The following MFHAS1 variants were observed in gnomAD, a reference collection of about 807,000 sequenced individuals.
MFHAS1 encodes malignant fibrous histiocytoma-amplified sequence 1.
MFHAS1 carries 50 observed loss-of-function variants against 70.4 expected under a neutral mutation model. The ratio of observed to expected loss-of-function variants is 0.71; its 90% confidence interval spans 0.57 to 0.90. MFHAS1 has a LOEUF of 0.90. MFHAS1 is among the 40% of genes least tolerant of loss of function. The pLI is 0.00. For missense variants in MFHAS1, 1,795 were observed against 1,347.6 expected, an observed-to-expected ratio of 1.33 and a Z score of -5.20; for synonymous variants, 952 against 620.0, an observed-to-expected ratio of 1.54 and a Z score of -7.96.
intron 2 of MFHAS1, among the ~76,000 whole-genome samples, chr8:8,796,961 A>G (rs1274748920): frequency 2.6e-5 from 4 of 151,902 alleles, no homozygotes; most frequent in Non-Finnish European, 5.9e-5. Flanking sequence ...GCACCACTGC[A>G]CTCCAGCCTG....
chr8:8,884,656 A>C (rs187407747), intron 1 of MFHAS1, among the ~76,000 whole-genome samples: 58 of 152,290 alleles, frequency 3.8e-4, no homozygotes, highest in Non-Finnish European at 7.4e-4. Context: ...GAGTGTGTGA[A>C]TAACAAAGAA....
chr8:8,878,950 G>A (rs1004138297), intron 1 of MFHAS1, among the ~76,000 whole-genome samples: 3 of 152,198 alleles, frequency 2.0e-5, no homozygotes, highest in Non-Finnish European at 4.4e-5. Flanking sequence ...GCACTTTAAT[G>A]GATGCTGTCT....
intron 1 of MFHAS1, among the ~76,000 whole-genome samples, chr8:8,818,396 C>A (rs1272124046): frequency 6.6e-6 from 1 of 152,198 alleles, no homozygotes; most frequent in Non-Finnish European, 1.5e-5. Flanking sequence ...AGATCCTTCA[C>A]AAAGCAAGAG....
intron 1 of MFHAS1, among the ~76,000 whole-genome samples, chr8:8,879,849 T>C (rs1809444249): frequency 1.3e-5 from 2 of 152,308 alleles, no homozygotes; most frequent in South Asian, 2.1e-4. Flanking sequence ...ACGACACTTA[T>C]CTAATCTGGT....
intron 1 of MFHAS1, among the ~76,000 whole-genome samples, chr8:8,878,952 A>G (rs1274763230): frequency 1.3e-5 from 2 of 152,226 alleles, no homozygotes; most frequent in African/African-American, 2.4e-5. Flanking sequence ...ACTTTAATGG[A>G]TGCTGTCTTT....
intron 1 of MFHAS1, among the ~76,000 whole-genome samples, chr8:8,840,681 TTAGGAACAAGTCCATTAG>T (rs972413648): frequency 2.0e-5 from 3 of 152,122 alleles, no homozygotes; most frequent in African/African-American, 7.2e-5. Context: ...CAACATTCCT[TTAGGAACAAGTCCATTAG>T]TTAGATGCCG....
In MFHAS1 at chr8:8,893,594, C is replaced by T. The variant is rs1295179928; in HGVS notation, c.-536G>A. Reference sequence around the variant, plus strand: ...GGCTCGGGCGGGAGCGCGGGCGCCGCGTCCCCGGCGCTGGGAGGGCGCGAT... The same window carrying T: ...GGCTCGGGCGGGAGCGCGGGCGCCGTGTCCCCGGCGCTGGGAGGGCGCGAT... On this transcript the variant is annotated 5_prime_UTR_variant, in exon 1 of 3. Coordinates refer to ENST00000276282, the MANE Select transcript of MFHAS1 (RefSeq NM_004225.3). 6.8e-6 allele frequency: 1 copy of T among 146,562 alleles called. No individual in the cohort carries two copies. Among genetic ancestry groups the T allele is most frequent in the African/African-American group, 2.4e-5 (1 of 40,822 alleles). The allele number at this position is 146,562 out of a possible 1,614,324, so 9.1% of individuals were successfully genotyped here.
In MFHAS1 at chr8:8,797,461, C is replaced by G; in HGVS notation, c.3029G>C (p.Gly1010Ala). Reference sequence around the variant, plus strand: ...CTTGGGGCAAATGATCTCTGCCACTCCTTCCGGTCTGGGCTGACTCAGCAA... The same window carrying G: ...CTTGGGGCAAATGATCTCTGCCACTGCTTCCGGTCTGGGCTGACTCAGCAA... ...GELLSQPRPEGVAEIICPKNG... is the reference protein window; with the variant it reads ...GELLSQPRPEAVAEIICPKNG... Residue 1010 changes from glycine (G) to alanine (A), a missense_variant, in exon 2 of 3, where the codon GGA becomes GCA. Physicochemically the swap from Gly to Ala is moderately conservative, Grantham distance 60. Transcript: ENST00000276282. The G allele has an allele frequency of 1.9e-6, 3 of 1,614,092 alleles. No homozygotes were observed. The highest frequency in any genetic ancestry group is 1.7e-6 in the Non-Finnish European group (2 of 1,179,988).
intron 1 of MFHAS1, among the ~76,000 whole-genome samples, chr8:8,818,095 AGAATGTTCTAAGTTAGGT>A (rs1198380590): frequency 1.3e-5 from 2 of 152,172 alleles, no homozygotes; most frequent in Non-Finnish European, 2.9e-5. Flanking sequence ...ATACTCTTTC[AGAATGTTCTAAGTTAGGT>A]GGGCTTTGTG....
At chr8:8,848,038 A>G (rs1808098236) in intron 1 of MFHAS1, among the ~76,000 whole-genome samples, 2 of 152,244 alleles carry the variant, frequency 1.3e-5, no homozygotes, top group African/African-American at 2.4e-5. Flanking sequence ...AAGGTGAGAA[A>G]AAACAAAGCA....
Position 8,783,644 on chromosome 8 carries a change from C to A in MFHAS1, c.*2378G>T, listed in dbSNP as rs962869671. On this transcript the variant is annotated 3_prime_UTR_variant, in exon 3 of 3. Coordinates refer to ENST00000276282, the MANE Select transcript of MFHAS1 (RefSeq NM_004225.3). ...GAAGTGGTTTTGATACCACAAGTTG[C>A]AGGAATAGAAACCCTAACAAACTTG... 1 of 152,160 alleles carries A rather than the reference C, an allele frequency of 6.6e-6. No homozygotes were observed. The highest frequency in any genetic ancestry group is 1.9e-4 in the East Asian group (1 of 5,176). The allele number at this position is 152,160 out of a possible 1,614,324, so 9.4% of individuals were successfully genotyped here. A position where few individuals can be genotyped will look rare whatever the true frequency, so the allele number is the denominator to read the frequency against.
intron 1 of MFHAS1, among the ~76,000 whole-genome samples, chr8:8,844,285 T>C (rs1174301894): frequency 2.0e-5 from 3 of 152,254 alleles, no homozygotes; most frequent in Non-Finnish European, 4.4e-5. Flanking sequence ...ATTGTCTCAA[T>C]ATTACTATTT....
intron 1 of MFHAS1, among the ~76,000 whole-genome samples, chr8:8,816,387 G>A (rs935243802): frequency 6.6e-6 from 1 of 152,056 alleles, no homozygotes; most frequent in African/African-American, 2.4e-5. Context: ...TATCAATTGG[G>A]GTTATGGCAT....
At chr8:8,814,005 C>A (rs1196359898) in intron 1 of MFHAS1, among the ~76,000 whole-genome samples, 1 of 149,344 alleles carries the variant, frequency 6.7e-6, no homozygotes, top group African/African-American at 2.5e-5. Flanking sequence ...GGGGCATGAT[C>A]TCGGTCACTG....
At chr8:8,890,025 C>G in intron 1 of MFHAS1, 36 bp downstream of exon 1, 1 of 1,487,240 alleles carries the variant, frequency 6.7e-7, no homozygotes, top group Non-Finnish European at 9.2e-7. Context: ...TATCTTACAG[C>G]ATACCACAGA....
chr8:8,817,981 G>A (rs55657655), intron 1 of MFHAS1, among the ~76,000 whole-genome samples: 20,808 of 152,140 alleles, frequency 0.14, 1,870 homozygotes, highest in Non-Finnish European at 0.2. Context: ...TCTGTGGCCC[G>A]GGGACTGAGG....
intron 1 of MFHAS1, among the ~76,000 whole-genome samples, chr8:8,878,659 T>A (rs1196120238): frequency 1.0e-4 from 15 of 148,384 alleles, no homozygotes; most frequent in African/African-American, 3.7e-4. Context: ...AAATTCCTTC[T>A]TTTCAAAAAA....
chr8:8,830,143 AT>A (rs1446121673), intron 1 of MFHAS1, among the ~76,000 whole-genome samples: 1 of 152,120 alleles, frequency 6.6e-6, no homozygotes, highest in Non-Finnish European at 1.5e-5. Flanking sequence ...GGACACATAT[AT>A]GAGGTGGCCC....
chr8:8,845,080 ATG>A (rs1807979178), intron 1 of MFHAS1, among the ~76,000 whole-genome samples: 1 of 152,234 alleles, frequency 6.6e-6, no homozygotes, highest in Non-Finnish European at 1.5e-5. Context: ...CTGAATGCAC[ATG>A]TGTTTTTCCC....
Sources: gnomAD v4.1 joint callset for allele counts (sites outside exome capture counted in the v4.1 genomes callset) on GRCh38, gnomAD v4.1.1 for gene constraint, MANE v1.5 for transcripts, NCBI Gene and HGNC (gene_info 2026-07-23, HGNC 2026-07-21) for gene names.